SCAF4: variants seen among roughly 807,000 people sequenced by gnomAD.
SCAF4 encodes the protein SR-related and CTD-associated factor 4.
SCAF4 carries 25 observed loss-of-function variants against 129.8 expected under a neutral mutation model. That is an observed-to-expected ratio of 0.19 (90% CI 0.14 to 0.27). SCAF4 has a LOEUF of 0.27. SCAF4 is among the 10% of genes least tolerant of loss of function. SCAF4 has a pLI of 1.00. For synonymous variants in SCAF4, 551 were observed against 497.7 expected (o/e 1.11, Z -1.43); for missense variants, 1,246 against 1,457.1 (o/e 0.86, Z 2.36).
chr21:31,709,230 C>G lies in SCAF4; in HGVS notation c.31-2873G>C, dbSNP rs138073756. Among the ~76,000 whole-genome samples, 414 of 152,070 alleles carry G rather than the reference C, an allele frequency of 2.7e-3. 2 individuals are homozygous for G. Among genetic ancestry groups the G allele is most frequent in the African/African-American group, 9.7e-3 (402 of 41,490 alleles). On this transcript the variant is annotated intron_variant, in intron 1 of 19. Transcript: ENST00000286835. ...TATTTTGATGGTTGATTTTGCTGAACCAGGTACTTCCTTTCCCATTTTCTA... is the reference window on the plus strand; with the variant it reads ...TATTTTGATGGTTGATTTTGCTGAAGCAGGTACTTCCTTTCCCATTTTCTA...
chr21:31,712,222 C>CTT (rs11408552), intron 1 of SCAF4, among the ~76,000 whole-genome samples: 2,099 of 135,304 alleles, frequency 0.016, 41 homozygotes, highest in Middle Eastern at 0.024. Flanking sequence ...TTGTTTGTTG[C>CTT]TTTTTTTTTT....
At chr21:31,723,621 TGTGTGTGTGCGCGCGCGC>T (rs2051127985) in intron 1 of SCAF4, among the ~76,000 whole-genome samples, 1 of 142,276 alleles carries the variant, frequency 7.0e-6, no homozygotes, top group South Asian at 2.3e-4. Context: ...TGTGTGTGTG[TGTGTGTGTGCGCGCGCGC>T]GCGCGCGCAC....
intron 7 of SCAF4, among the ~76,000 whole-genome samples, chr21:31,697,071 A>G (rs1040082765): frequency 3.9e-5 from 6 of 152,222 alleles, no homozygotes; most frequent in Admixed American, 3.9e-4. Flanking sequence ...TCCCTAGCCT[A>G]AAAATGTCTG....
At chr21:31,685,271 G>A (rs913809386) in intron 18 of SCAF4, 31 bp from the exon 19 acceptor site, 1 of 1,526,554 alleles carries the variant, frequency 6.6e-7, no homozygotes, top group Non-Finnish European at 9.1e-7. Context: ...AACATGTGAA[G>A]CTGAATAATT....
At chr21:31,687,923 C>T (rs2050164197) in intron 16 of SCAF4, among the ~76,000 whole-genome samples, 1 of 151,766 alleles carries the variant, frequency 6.6e-6, no homozygotes, top group Admixed American at 6.6e-5. Context: ...GCCTGGCCAG[C>T]ATGGTGAAGC....
rs2051371288 is a variant in SCAF4 at position 31,731,874 on chromosome 21, G to A, written c.-182C>T. The A allele has an allele frequency of 1.8e-6, 1 of 571,166 alleles. No homozygotes were observed. Among genetic ancestry groups the A allele is most frequent in the Admixed American group, 4.3e-5 (1 of 23,200 alleles). The allele number at this position is 571,166 out of a possible 1,614,324, so 35.4% of individuals were successfully genotyped here. ...GGCGAGGCGGGCGGCCGAGGCAGAGGCGGAGAGGTGGCGGGCCCCCTCTCA... is the reference window on the plus strand; with the variant it reads ...GGCGAGGCGGGCGGCCGAGGCAGAGACGGAGAGGTGGCGGGCCCCCTCTCA... On this transcript the variant is annotated 5_prime_UTR_variant, in exon 1 of 20. Coordinates refer to ENST00000286835, the MANE Select transcript of SCAF4 (RefSeq NM_020706.2).
At chr21:31,696,358 A>G in intron 8 of SCAF4, 137 bp from the exon 9 acceptor site, 1 of 728,378 alleles carries the variant, frequency 1.4e-6, no homozygotes, top group Non-Finnish European at 2.1e-6. Flanking sequence ...ATTAAATTTA[A>G]TTTATAAACT....
intron 1 of SCAF4, chr21:31,706,588 C>G: frequency 2.0e-6 from 1 of 493,582 alleles, no homozygotes; most frequent in Non-Finnish European, 3.6e-6. Context: ...AAAGGGGTGG[C>G]GAAGGGGTAG....
intron 7 of SCAF4, among the ~76,000 whole-genome samples, chr21:31,698,099 C>T (rs1020309012): frequency 3.9e-5 from 6 of 152,160 alleles, no homozygotes; most frequent in African/African-American, 1.4e-4. Flanking sequence ...ATGATCTTCA[C>T]AGTTTATTAC....
intron 7 of SCAF4, chr21:31,700,712 T>A: frequency 2.4e-6 from 1 of 411,772 alleles, no homozygotes; most frequent in Non-Finnish European, 4.4e-6. Flanking sequence ...AATGAAGAAT[T>A]TTCTGTTTCC....
chr21:31,682,261 C>A (rs1463784183), intron 19 of SCAF4, among the ~76,000 whole-genome samples: 1 of 152,040 alleles, frequency 6.6e-6, no homozygotes. Flanking sequence ...CGCCTGTAGT[C>A]CCAGCTACTT....
In SCAF4 at chr21:31,685,000, G is replaced by GGGGGGGT. The variant is rs778029216; in HGVS notation, c.2488+48_2488+49insACCCCCC. The GGGGGGGT allele has an allele frequency of 0.016, 189 of 11,790 alleles. 6 individuals are homozygous for GGGGGGGT. The South Asian group carries it at 0.21, about 13-fold the overall frequency. The allele number at this position is 11,790 out of a possible 1,614,324, so 0.7% of individuals were successfully genotyped here. ...CTAACTTGGGGATGGGTGGGGGGGTGGGGGGGGGGTGGGGCAAGGAAAACT... is the reference window on the plus strand; with the variant it reads ...CTAACTTGGGGATGGGTGGGGGGGTGGGGGGGTGGGGGGGGGTGGGGCAAGGAAAACT... On this transcript the variant is annotated intron_variant, in intron 19 of 19. Coordinates refer to ENST00000286835, the MANE Select transcript of SCAF4 (RefSeq NM_020706.2).
chr21:31,695,104 C>T, intron 9 of SCAF4, 124 bp from the exon 10 acceptor site: 1 of 734,030 alleles, frequency 1.4e-6, no homozygotes. Flanking sequence ...CGACATTCAA[C>T]ATTGTTTAAC....
At chr21:31,691,073 G>C in intron 14 of SCAF4, 120 bp from the exon 15 acceptor site, 5 of 695,628 alleles carry the variant, frequency 7.2e-6, no homozygotes, top group Non-Finnish European at 1.1e-5. Context: ...ATCTGGACCA[G>C]CTAGGCTTGG....
chr21:31,682,753 T>C (rs2050026393), intron 19 of SCAF4, among the ~76,000 whole-genome samples: 1 of 152,202 alleles, frequency 6.6e-6, no homozygotes, highest in African/African-American at 2.4e-5. Context: ...CAAGAGGAAA[T>C]ACCAAAGCAT....
intron 1 of SCAF4, among the ~76,000 whole-genome samples, chr21:31,728,529 C>A (rs1197538528): frequency 4.6e-5 from 7 of 152,250 alleles, no homozygotes; most frequent in Admixed American, 4.6e-4. Flanking sequence ...CTAGTTCTGC[C>A]ATTAACTAGC....
At position 31,671,894 on chromosome 21, in the gene SCAF4, A is replaced by G. The variant is rs754823909; in HGVS notation, c.2949T>C (p.Phe983=). Residue 983 remains phenylalanine (F), a synonymous_variant, in exon 20 of 20, where the codon TTT becomes TTC. Coordinates refer to ENST00000286835, the MANE Select transcript of SCAF4 (RefSeq NM_020706.2). ...TGAACTGCTGCCTGTTATCATTTCTAAACTGCTGTGGCTGCTGCTGTGTTG... is the reference window on the plus strand; with the variant it reads ...TGAACTGCTGCCTGTTATCATTTCTGAACTGCTGTGGCTGCTGCTGTGTTG... ...PPPTQQQPQQ[F]RNDNRQQFNS... 6.8e-6 allele frequency: 11 copies of G among 1,614,092 alleles called. No homozygotes were observed. The Admixed American group carries it at 1.2e-4, about 17-fold the overall frequency.
chr21:31,709,110 T>G (rs777899707), intron 1 of SCAF4, among the ~76,000 whole-genome samples: 2 of 152,210 alleles, frequency 1.3e-5, no homozygotes, highest in Non-Finnish European at 2.9e-5. Flanking sequence ...CTGTCTGTTC[T>G]TTTCCTGATC....
intron 1 of SCAF4, among the ~76,000 whole-genome samples, chr21:31,710,406 G>C (rs2050772008): frequency 6.6e-6 from 1 of 152,076 alleles, no homozygotes; most frequent in Admixed American, 6.6e-5. Context: ...AAAATTAACT[G>C]GGTGTGGTGG....
Sources: gnomAD v4.1 joint callset for allele counts (sites outside exome capture counted in the v4.1 genomes callset) on GRCh38, gnomAD v4.1.1 for gene constraint, MANE v1.5 for transcripts, NCBI Gene and HGNC (gene_info 2026-07-23, HGNC 2026-07-21) for gene names.